A2ML1: variants seen among roughly 807,000 people sequenced by gnomAD.
A2ML1 encodes the protein alpha-2-macroglobulin like 1, also known as alpha-2-macroglobulin-like protein 1.
A2ML1 carries 161 observed loss-of-function variants against 181.9 expected under a neutral mutation model. That is an observed-to-expected ratio of 0.89 (90% CI 0.78 to 1.01). A2ML1 has a LOEUF of 1.01. A2ML1 is among the 50% of genes least tolerant of loss of function. The pLI is 0.00. For synonymous variants in A2ML1, 663 were observed against 666.8 expected (o/e 0.99, Z 0.09); for missense variants, 1,670 against 1,768.1 (o/e 0.94, Z 1.00).
chr12:8,849,672 G>A lies in A2ML1; in HGVS notation c.2032G>A (p.Val678Met), dbSNP rs148198269. 3.7e-5 allele frequency: 59 copies of A among 1,613,862 alleles called. No individual in the cohort carries two copies. The highest frequency in any genetic ancestry group is 2.1e-4 in the South Asian group (19 of 91,072). Residue 678 changes from valine (V) to methionine (M), a missense_variant, in exon 17 of 36, where the codon GTG becomes ATG. Val to Met is a conservative substitution (Grantham distance 21). Coordinates refer to ENST00000299698, the MANE Select transcript of A2ML1 (RefSeq NM_144670.6). The stretch of plus-strand genomic sequence containing the variant: ...TTATTTCTCTGATGCCTATCAGGAC[G>A]TGGGCCTGAAAATACTGTCCAATGC... ...GTDLFSFFRD[V>M]GLKILSNAKI...
chr12:8,868,117 C>G (rs997482658), intron 30 of A2ML1, 60 bp downstream of exon 30: 4 of 1,608,128 alleles, frequency 2.5e-6, no homozygotes, highest in Non-Finnish European at 3.4e-6. Context: ...GAGCATCTTC[C>G]CCTTAGGCCT....
chr12:8,854,721 G>C, intron 21 of A2ML1, 59 bp from the exon 22 acceptor site: 1 of 1,596,896 alleles, frequency 6.3e-7, no homozygotes. Context: ...CTTTCCTTTA[G>C]TGCCATCCCT....
rs376035211 is a variant in A2ML1, at chr12:8,843,183, G to A, written c.1298G>A (p.Arg433His). ...DLVYNPEQVP[R>H]YYQNAYLHLR... ...GTATATAATCCGGAACAAGTGCCAC[G>A]TTACTACCAAAATGCCTACCTGCAC... is the stretch of plus-strand genomic sequence containing the variant. The change falls in exon 12 of 36, where the codon CGT becomes CAT. Residue 433 changes from arginine (R) to histidine (H), a missense_variant. Arg to His is a conservative substitution (Grantham distance 29). Transcript: ENST00000299698. 1.3e-5 allele frequency: 21 copies of A among 1,614,016 alleles called. No individual in the cohort carries two copies. Among genetic ancestry groups the A allele is most frequent in the Admixed American group, 6.7e-5 (4 of 59,992 alleles).
rs1286004996 is a variant in A2ML1, at chr12:8,876,281, G to A, written c.*225G>A. 6.6e-6 allele frequency: 1 copy of A among 152,318 alleles called. No individual in the cohort carries two copies. The highest frequency in any genetic ancestry group is 1.9e-4 in the East Asian group (1 of 5,200). The allele number at this position is 152,318 out of a possible 1,614,324, so 9.4% of individuals were successfully genotyped here. On this transcript the variant is annotated 3_prime_UTR_variant, in exon 36 of 36. Transcript: ENST00000299698. ...TCAGAGGAGGCGTTGCATGGGCAGG[G>A]TCATAGGGGGAAGAAAGGTGGTTTA... is the stretch of plus-strand genomic sequence containing the variant.
At chr12:8,838,240 A>G in intron 8 of A2ML1, 96 bp from the exon 9 acceptor site, 1 of 783,944 alleles carries the variant, frequency 1.3e-6, no homozygotes, top group Non-Finnish European at 2.1e-6. Flanking sequence ...AAGTGTGGAG[A>G]TGAGAAATTA....
At chr12:8,823,511 G>T in intron 2 of A2ML1, 146 bp downstream of exon 2, 1 of 1,092,684 alleles carries the variant, frequency 9.2e-7, no homozygotes. Context: ...TCAATCCCCG[G>T]CTATAACTCA....
intron 7 of A2ML1, among the ~76,000 whole-genome samples, chr12:8,886,007 A>G (rs1944917932): frequency 3.1e-5 from 2 of 64,688 alleles, no homozygotes; most frequent in Admixed American, 4.3e-4. Flanking sequence ...CTTCAACAAT[A>G]TCTCACACAC....
chr12:8,851,954 G>A lies in A2ML1; in HGVS notation c.2405G>A (p.Arg802His), dbSNP rs201562272. ...VDLTLPYSVV[R>H]GESFRLTATI... Reference sequence around the variant, plus strand: ...CTGACTCTCCCTTACTCAGTAGTCCGTGGGGAATCCTTTCGTCTTACTGCC... The same window carrying A: ...CTGACTCTCCCTTACTCAGTAGTCCATGGGGAATCCTTTCGTCTTACTGCC... The change falls in exon 19 of 36, where the codon CGT becomes CAT. Residue 802 changes from arginine (R) to histidine (H), a missense_variant. Arg to His is a conservative substitution (Grantham distance 29). Transcript: ENST00000299698. 4.6e-4 allele frequency: 740 copies of A among 1,614,158 alleles called. 5 individuals carry two copies. Among genetic ancestry groups the A allele is most frequent in the Middle Eastern group, 1.6e-3 (10 of 6,062 alleles).
intron 11 of A2ML1, 44 bp downstream of exon 11, chr12:8,841,580 C>T (rs1302934511): frequency 1.3e-6 from 2 of 1,572,106 alleles, no homozygotes; most frequent in Admixed American, 3.7e-5. Context: ...GGAAGGCTTC[C>T]CTGAAGGAAA....
chr12:8,849,594 G>C (rs1425705594), intron 16 of A2ML1, 75 bp from the exon 17 acceptor site: 2 of 1,173,610 alleles, frequency 1.7e-6, no homozygotes, highest in Admixed American at 3.8e-5. Flanking sequence ...CTCTTTGATG[G>C]TGGAATTCCT....
In A2ML1 at chr12:8,841,451, A is replaced by C. The variant is rs757455501; in HGVS notation, c.1163A>C (p.Asn388Thr). Residue 388 changes from asparagine to threonine, a missense_variant, in exon 11 of 36, where the codon AAC becomes ACC. Physicochemically the swap from Asn to Thr is moderately conservative, Grantham distance 65 (BLOSUM62 0). Coordinates refer to ENST00000299698, the MANE Select transcript of A2ML1 (RefSeq NM_144670.6). ...ATTTATGGCACAAATGGAACCTTCA[A>C]CCAGACCCTGGTTACTGATAACAAT... ...LVIYGTNGTFNQTLVTDNNGL... is the reference protein window; with the variant it reads ...LVIYGTNGTFTQTLVTDNNGL... 6.2e-6 allele frequency: 10 copies of C among 1,614,008 alleles called. No individual in the cohort carries two copies. The African/African-American group carries it at 8.0e-5, about 13-fold the overall frequency.
intron 12 of A2ML1, among the ~76,000 whole-genome samples, chr12:8,843,674 C>G (rs1045557098): frequency 6.6e-6 from 1 of 151,416 alleles, no homozygotes; most frequent in East Asian, 1.9e-4. Flanking sequence ...AAGCGTATCT[C>G]AGTTTGGACT....
intron 27 of A2ML1, 41 bp downstream of exon 27, chr12:8,860,996 A>G (rs1406558280): frequency 3.1e-6 from 5 of 1,610,652 alleles, no homozygotes; most frequent in Non-Finnish European, 4.2e-6. Context: ...CCTCCTTCTC[A>G]TGCGTATTCC....
intron 33 of A2ML1, among the ~76,000 whole-genome samples, chr12:8,871,390 T>C (rs896711983): frequency 2.0e-5 from 3 of 152,228 alleles, no homozygotes; most frequent in African/African-American, 4.8e-5. Context: ...TTCATGTGTT[T>C]GATAACTCTG....
Position 8,857,304 on chromosome 12 carries a change from G to A in A2ML1, c.2989G>A (p.Glu997Lys). 1 of 1,614,028 alleles carries A rather than the reference G, an allele frequency of 6.2e-7. No individual in the cohort carries two copies. Among genetic ancestry groups the A allele is most frequent in the Non-Finnish European group, 8.5e-7 (1 of 1,180,024 alleles). The change falls in exon 24 of 36, where the codon GAG becomes AAG. Residue 997 changes from glutamate (E) to lysine (K), a missense_variant. Physicochemically the swap from Glu to Lys is moderately conservative, Grantham distance 56. Transcript: ENST00000299698. ...GGAGAAGGCAGGGCTGCTGACGGAGGAGATCAGGTCTCGGGCAGTGGGTTT... is the reference window on the plus strand; with the variant it reads ...GGAGAAGGCAGGGCTGCTGACGGAGAAGATCAGGTCTCGGGCAGTGGGTTT... ...YLEKAGLLTE[E>K]IRSRAVGFLE...
At chr12:8,839,271 A>T (rs1555108949) in intron 10 of A2ML1, 49 bp downstream of exon 10, 12 of 1,393,070 alleles carry the variant, frequency 8.6e-6, no homozygotes, top group Admixed American at 3.5e-5. Context: ...ATAACCATCT[A>T]CTTTGCCTCC....
At chr12:8,854,926 G>A (rs936779568) in intron 22 of A2ML1, 95 bp downstream of exon 22, 21 of 1,339,478 alleles carry the variant, frequency 1.6e-5, no homozygotes, top group Admixed American at 2.1e-5. Context: ...ACGGAGTCTC[G>A]CTCCGTCGTC....
At chr12:8,834,246 G>A (rs1433509883) in intron 4 of A2ML1, among the ~76,000 whole-genome samples, 2 of 152,140 alleles carry the variant, frequency 1.3e-5, no homozygotes, top group Non-Finnish European at 2.9e-5. Flanking sequence ...CTGCCCACAA[G>A]CATTCAGATG....
At chr12:8,855,651 G>T in intron 23 of A2ML1, 59 bp downstream of exon 23, 1 of 1,543,726 alleles carries the variant, frequency 6.5e-7, no homozygotes, top group Non-Finnish European at 8.9e-7. Flanking sequence ...CTGCAAAGGT[G>T]TGGAGTGGGG....
Sources: gnomAD v4.1 joint callset for allele counts (sites outside exome capture counted in the v4.1 genomes callset) on GRCh38, gnomAD v4.1.1 for gene constraint, MANE v1.5 for transcripts, NCBI Gene and HGNC (gene_info 2026-07-23, HGNC 2026-07-21) for gene names.